Variants in AGK observed in about 807,000 individuals in gnomAD.
The protein encoded by AGK is acylglycerol kinase, mitochondrial.
In AGK, 52 loss-of-function variants were observed where a neutral mutation model predicts 66.4. The ratio of observed to expected loss-of-function variants is 0.78; its 90% CI spans 0.63 to 0.99. The LOEUF (loss-of-function observed/expected upper bound fraction) is 0.99, where lower values mean the gene tolerates loss of function less well. Ranked by LOEUF, AGK falls within the 50% of genes least tolerant of loss-of-function variation. The probability of loss-of-function intolerance (pLI) is 0.00; values close to 1 mark genes in which losing one functional copy is unlikely to be tolerated. For missense variants in AGK, 451 were observed against 506.6 expected (o/e 0.89, Z 1.05); for synonymous variants, 182 against 181.1 (o/e 1.00, Z -0.04).
chr7:141,584,317 A>G (rs1795949767), intron 2 of AGK, among the ~76,000 whole-genome samples: 1 of 152,162 alleles, frequency 6.6e-6, no homozygotes, highest in Admixed American at 6.5e-5. Context: ...TAATGTCATC[A>G]GTTAAGGCAG....
chr7:141,613,435 A>G (rs1204909004), intron 6 of AGK, among the ~76,000 whole-genome samples: 1 of 152,158 alleles, frequency 6.6e-6, no homozygotes, highest in African/African-American at 2.4e-5. Context: ...CGTGACCAAC[A>G]TGGCGAAACC....
At chr7:141,609,525 C>T (rs1392885642) in intron 5 of AGK, among the ~76,000 whole-genome samples, 1 of 152,206 alleles carries the variant, frequency 6.6e-6, no homozygotes. Context: ...TGGCATAGAG[C>T]TTCTATGCCC....
At chr7:141,648,960 G>A (rs1797482245) in intron 13 of AGK, among the ~76,000 whole-genome samples, 3 of 151,910 alleles carry the variant, frequency 2.0e-5, no homozygotes, top group South Asian at 2.1e-4. Context: ...AGACTAGAAC[G>A]GCTAATAATT....
intron 11 of AGK, among the ~76,000 whole-genome samples, chr7:141,639,543 A>G (rs763442256): frequency 1.3e-5 from 2 of 152,160 alleles, no homozygotes; most frequent in Non-Finnish European, 2.9e-5. Flanking sequence ...TCATTGATAC[A>G]GAAGAGGAGT....
At position 141,555,419 on chromosome 7, in the gene AGK, A is replaced by T. The variant is rs1219555773; in HGVS notation, c.-14-34A>T. 7.0e-7 allele frequency: 1 copy of T among 1,426,754 alleles called. No homozygotes were observed. Among genetic ancestry groups the T allele is most frequent in the South Asian group, 1.2e-5 (1 of 85,242 alleles). 88.4% of individuals were successfully genotyped at this position (1,426,754 alleles called of 1,614,324 possible). ...ATTACATGAAGACCATGGATAAATTATATTTTTTTCTCTTTCCGCCTCTAC... is the reference window on the plus strand; with the variant it reads ...ATTACATGAAGACCATGGATAAATTTTATTTTTTTCTCTTTCCGCCTCTAC... On this transcript the variant is annotated intron_variant, in intron 1 of 15. Coordinates refer to ENST00000649286, the MANE Select transcript of AGK (RefSeq NM_018238.4). This position sits in a 1 kb window ranked among gnomAD's most constrained non-coding sequence, Gnocchi z 4.2.
intron 2 of AGK, among the ~76,000 whole-genome samples, chr7:141,561,035 C>T (rs554755023): frequency 5.9e-5 from 9 of 152,242 alleles, no homozygotes; most frequent in East Asian, 1.9e-4. Context: ...CCTCGTGATC[C>T]GCCCGCCTCG....
intron 2 of AGK, among the ~76,000 whole-genome samples, chr7:141,560,987 G>C (rs1795335101): frequency 6.6e-6 from 1 of 152,026 alleles, no homozygotes; most frequent in African/African-American, 2.4e-5. Flanking sequence ...TAGAGACGGG[G>C]TTTCATCGTG....
In AGK at chr7:141,601,282, T is replaced by C. The variant is rs765471424; in HGVS notation, c.297+2T>C. 131 of 1,609,096 alleles carry C rather than the reference T, an allele frequency of 8.1e-5. No homozygotes were observed. Among genetic ancestry groups the C allele is most frequent in the Non-Finnish European group, 1.0e-4 (122 of 1,177,076 alleles). On this transcript the variant is annotated splice_donor_variant, in intron 5 of 15. Coordinates refer to ENST00000649286, the MANE Select transcript of AGK (RefSeq NM_018238.4). LOFTEE classifies it high-confidence loss of function. Reference sequence around the variant, plus strand: ...GGCATGGATGTGACTATTGTTAAGGTAAGAATGGCTCCTGAATGTTTATTT... The same window carrying C: ...GGCATGGATGTGACTATTGTTAAGGCAAGAATGGCTCCTGAATGTTTATTT...
chr7:141,610,702 C>T (rs938460142), intron 5 of AGK, among the ~76,000 whole-genome samples: 17 of 152,166 alleles, frequency 1.1e-4, no homozygotes, highest in African/African-American at 4.1e-4. Flanking sequence ...TTCCCTCCCT[C>T]AACACACATA....
In AGK at chr7:141,615,459, T is replaced by A. The variant is rs1444609828; in HGVS notation, c.424-12T>A. 1 of 1,610,542 alleles carries A rather than the reference T, an allele frequency of 6.2e-7. No individual in the cohort carries two copies. On this transcript the variant is annotated splice_polypyrimidine_tract_variant and intron_variant, in intron 7 of 15. Coordinates refer to ENST00000649286, the MANE Select transcript of AGK (RefSeq NM_018238.4). The stretch of plus-strand genomic sequence containing the variant: ...CATAACAATAAAACTTTCCTCTTCT[T>A]TCCCCCCCCAGGCTACCTTCAGTAA...
intron 13 of AGK, among the ~76,000 whole-genome samples, chr7:141,643,897 T>C (rs940962340): frequency 2.0e-5 from 3 of 152,294 alleles, no homozygotes; most frequent in East Asian, 1.9e-4. Flanking sequence ...GATGGGAATA[T>C]AGATTGGAAC....
chr7:141,627,620 A>T (rs1167838613), intron 9 of AGK, among the ~76,000 whole-genome samples: 1 of 152,218 alleles, frequency 6.6e-6, no homozygotes, highest in Non-Finnish European at 1.5e-5. Context: ...TGATCATGAT[A>T]AAAGTGATTT....
chr7:141,633,936 C>T lies in AGK; in HGVS notation c.624C>T (p.Gly208=). 1 of 1,613,998 alleles carries T rather than the reference C, an allele frequency of 6.2e-7. No homozygotes were observed. The highest frequency in any genetic ancestry group is 8.5e-7 in the Non-Finnish European group (1 of 1,179,930). The change falls in exon 10 of 16, where the codon GGC becomes GGT. Residue 208 remains glycine, a synonymous_variant. Coordinates refer to ENST00000649286, the MANE Select transcript of AGK (RefSeq NM_018238.4). ...AACAGCCTGTATTTGCAATGACCGGCCTTCGATGGGGATCTTTCAGAGATG... is the reference window on the plus strand; with the variant it reads ...AACAGCCTGTATTTGCAATGACCGGTCTTCGATGGGGATCTTTCAGAGATG... The part of the protein sequence containing the change: ...EKEQPVFAMT[G]LRWGSFRDAG...
rs1262173321 is a variant in AGK at position 141,578,160 on chromosome 7, T to C, written c.102-14986T>C. ...TTTAATCACCTGGGTGCAGGCGGGC[T>C]GAGTCCAAAAAGAGAGTCAGCGAAG... On this transcript the variant is annotated intron_variant, in intron 2 of 15. Coordinates refer to ENST00000649286, the MANE Select transcript of AGK (RefSeq NM_018238.4). Among the ~76,000 whole-genome samples the C allele has an allele frequency of 3.3e-3, 503 of 151,650 alleles. 5 individuals carry two copies. The highest frequency in any genetic ancestry group is 0.012 in the African/African-American group (490 of 41,032).
At chr7:141,620,951 C>G (rs1796810629) in intron 8 of AGK, among the ~76,000 whole-genome samples, 1 of 152,186 alleles carries the variant, frequency 6.6e-6, no homozygotes, top group African/African-American at 2.4e-5. Context: ...TCAGCTCCAG[C>G]CTTGCATGTG....
intron 2 of AGK, among the ~76,000 whole-genome samples, chr7:141,565,890 C>T (rs1246474420): frequency 2.6e-5 from 4 of 152,130 alleles, no homozygotes; most frequent in Admixed American, 6.5e-5. Flanking sequence ...TTTTGGATAC[C>T]GTTGCTAGAG....
chr7:141,616,972 T>G (rs2116966476), intron 8 of AGK, among the ~76,000 whole-genome samples: 1 of 152,208 alleles, frequency 6.6e-6, no homozygotes, highest in East Asian at 1.9e-4. Context: ...TTAGCCAGGA[T>G]GGTCTCGATC....
At chr7:141,642,025 A>G in intron 13 of AGK, 117 bp downstream of exon 13, 1 of 897,638 alleles carries the variant, frequency 1.1e-6, no homozygotes, top group Non-Finnish European at 1.7e-6. Flanking sequence ...TAGAGAGGGC[A>G]GTGTCAGGAG....
chr7:141,623,303 C>T (rs916420214), intron 9 of AGK, among the ~76,000 whole-genome samples: 6 of 150,084 alleles, frequency 4.0e-5, no homozygotes, highest in South Asian at 2.1e-4. Flanking sequence ...CACTTGAACC[C>T]GGGAGGCAGA....
Sources: gnomAD v4.1 joint callset for allele counts (sites outside exome capture counted in the v4.1 genomes callset) on GRCh38, gnomAD v4.1.1 for gene constraint, Gnocchi (gnomAD v3.1) non-coding constraint, MANE v1.5 for transcripts, NCBI Gene and HGNC (gene_info 2026-07-23, HGNC 2026-07-21) for gene names.